CSMD3: variants seen among roughly 807,000 people sequenced by gnomAD.
CSMD3 encodes the protein CUB and Sushi multiple domains 3.
In CSMD3, 177 loss-of-function variants were observed where a neutral mutation model predicts 435.2. The ratio of observed to expected loss-of-function variants is 0.41; its 90% CI spans 0.36 to 0.46. The LOEUF (loss-of-function observed/expected upper bound fraction) is 0.46, where lower values mean the gene tolerates loss of function less well. Among genes scored for constraint, CSMD3 ranks in the 20% least tolerant of loss-of-function variants. CSMD3 has a pLI of 0.34. For synonymous variants in CSMD3, 1,656 were observed against 1,520.5 expected (o/e 1.09, Z -2.07); for missense variants, 4,265 against 4,504.6 (o/e 0.95, Z 1.52).
intron 22 of CSMD3, among the ~76,000 whole-genome samples, chr8:112,620,533 C>T (rs562948521): frequency 1.1e-4 from 16 of 152,188 alleles, no homozygotes; most frequent in Non-Finnish European, 2.1e-4. Flanking sequence ...ATTCTCAAAG[C>T]GATTTTCTGA....
intron 66 of CSMD3, among the ~76,000 whole-genome samples, chr8:112,240,509 G>A (rs897184323): frequency 1.3e-5 from 2 of 152,058 alleles, no homozygotes; most frequent in African/African-American, 4.8e-5. Flanking sequence ...AGAGCTTGGT[G>A]GTCCCTCCAC....
chr8:113,197,259 A>G (rs376265023), intron 3 of CSMD3, among the ~76,000 whole-genome samples: 12 of 151,202 alleles, frequency 7.9e-5, no homozygotes, highest in African/African-American at 2.7e-4. Context: ...TTCATGTACA[A>G]AATTATTGAA....
At chr8:113,242,386 G>A (rs1588350416) in intron 3 of CSMD3, among the ~76,000 whole-genome samples, 1 of 151,990 alleles carries the variant, frequency 6.6e-6, no homozygotes, top group Non-Finnish European at 1.5e-5. Flanking sequence ...AACCTAATAG[G>A]TCAATTCTGG....
At chr8:112,494,056 A>C (rs780360828) in intron 30 of CSMD3, among the ~76,000 whole-genome samples, 33 of 152,118 alleles carry the variant, frequency 2.2e-4, no homozygotes, top group Admixed American at 1.3e-4. Flanking sequence ...ATAATTAACT[A>C]TACCAGTAAG....
intron 32 of CSMD3, among the ~76,000 whole-genome samples, chr8:112,447,239 C>A (rs1412821174): frequency 6.6e-6 from 1 of 151,466 alleles, no homozygotes; most frequent in Non-Finnish European, 1.5e-5. Context: ...TTTCTGAAGT[C>A]TTATATTTTT....
intron 10 of CSMD3, among the ~76,000 whole-genome samples, chr8:112,897,629 G>C (rs1391648717): frequency 1.3e-5 from 2 of 150,384 alleles, no homozygotes; most frequent in African/African-American, 4.9e-5. Context: ...TTTAGGAAAA[G>C]TGGTATTTCT....
chr8:112,714,940 T>C (rs1471408037), intron 13 of CSMD3, among the ~76,000 whole-genome samples: 2 of 152,232 alleles, frequency 1.3e-5, no homozygotes, highest in Admixed American at 6.5e-5. Context: ...TAGATGGAAA[T>C]TTATAACACT....
Position 112,517,288 on chromosome 8 carries a change from CTG to C in CSMD3, c.4565-65_4565-64del, listed in dbSNP as rs1823775877. The C allele has an allele frequency of 5.0e-6, 6 of 1,198,632 alleles. 1 individual carries two copies. In the South Asian group the frequency reaches 6.5e-5, roughly 13 times the overall value. 74.2% of individuals were successfully genotyped at this position (1,198,632 alleles called of 1,614,324 possible). A position where few individuals can be genotyped will look rare whatever the true frequency, so the allele number is the denominator to read the frequency against. ...CTACCAAAATCAATTTCATATATCC[CTG>C]TGTTTTAGAAAATTAATTTTTAAAA... On this transcript the variant is annotated intron_variant, in intron 27 of 70. Transcript: ENST00000297405.
At chr8:113,063,042 A>T (rs1346503812) in intron 5 of CSMD3, among the ~76,000 whole-genome samples, 1 of 151,602 alleles carries the variant, frequency 6.6e-6, no homozygotes, top group East Asian at 1.9e-4. Flanking sequence ...GACTGTTTAC[A>T]TACACATTTT....
Position 113,359,861 on chromosome 8 carries a change from T to C in CSMD3, c.179-45068A>G, listed in dbSNP as rs114983537. Among the ~76,000 whole-genome samples the C allele has an allele frequency of 7.3e-3, 1,110 of 152,260 alleles. 15 individuals carry two copies. Among genetic ancestry groups the C allele is most frequent in the African/African-American group, 0.025 (1,034 of 41,560 alleles). On this transcript the variant is annotated intron_variant, in intron 1 of 70. Coordinates refer to ENST00000297405, the MANE Select transcript of CSMD3 (RefSeq NM_198123.2). ...GTGGGATACAACCTACTTATAAATATAGAAAGTATTCAGACTTAAAATTTT... is the reference window on the plus strand; with the variant it reads ...GTGGGATACAACCTACTTATAAATACAGAAAGTATTCAGACTTAAAATTTT...
intron 13 of CSMD3, among the ~76,000 whole-genome samples, chr8:112,722,046 C>T (rs189375725): frequency 3.3e-5 from 5 of 150,922 alleles, no homozygotes; most frequent in Admixed American, 2.6e-4. Context: ...TTTTTTAAGC[C>T]CATTATATGA....
intron 32 of CSMD3, 36 bp downstream of exon 32, chr8:112,472,555 G>A (rs751650798): frequency 9.2e-7 from 1 of 1,083,828 alleles, no homozygotes; most frequent in Non-Finnish European, 1.4e-6. Flanking sequence ...AGCATGTCTG[G>A]ATGAAATACT....
At chr8:112,502,618 C>A (rs556207063) in intron 30 of CSMD3, among the ~76,000 whole-genome samples, 2 of 152,244 alleles carry the variant, frequency 1.3e-5, no homozygotes, top group Admixed American at 6.5e-5. Context: ...AAGAGACTAA[C>A]CCCTGTTCCT....
At chr8:112,411,373 G>A (rs1335338100) in intron 32 of CSMD3, among the ~76,000 whole-genome samples, 2 of 151,782 alleles carry the variant, frequency 1.3e-5, no homozygotes, top group African/African-American at 2.4e-5. Flanking sequence ...AGCTAGGAGT[G>A]GGGGAGTACA....
At chr8:112,994,639 C>T (rs1271644341) in intron 6 of CSMD3, among the ~76,000 whole-genome samples, 1 of 151,304 alleles carries the variant, frequency 6.6e-6, no homozygotes, top group Admixed American at 6.6e-5. Context: ...ATTGAGATTC[C>T]AAGGGCTACA....
chr8:113,385,891 A>T (rs2094437173), intron 1 of CSMD3, among the ~76,000 whole-genome samples: 2 of 152,200 alleles, frequency 1.3e-5, no homozygotes, highest in East Asian at 1.9e-4. Flanking sequence ...ATTCAATTGA[A>T]CATTTTCCTC....
chr8:112,949,373 T>A (rs2130805647), intron 8 of CSMD3, among the ~76,000 whole-genome samples: 1 of 152,190 alleles, frequency 6.6e-6, no homozygotes, highest in South Asian at 2.1e-4. Context: ...TTTTTCTTAT[T>A]CTCTAACTTG....
intron 10 of CSMD3, among the ~76,000 whole-genome samples, chr8:112,893,818 TGTACAA>T (rs1250239237): frequency 1.5e-4 from 23 of 151,622 alleles, no homozygotes; most frequent in African/African-American, 4.3e-4. Flanking sequence ...TCCTGTGTAC[TGTACAA>T]GTACAAGTAC....
chr8:112,935,735 T>G (rs2083262025), intron 9 of CSMD3, among the ~76,000 whole-genome samples: 1 of 152,050 alleles, frequency 6.6e-6, no homozygotes, highest in Non-Finnish European at 1.5e-5. Context: ...TGGGGATTTT[T>G]TTTAAGTATC....
Sources: gnomAD v4.1 joint callset for allele counts (sites outside exome capture counted in the v4.1 genomes callset) on GRCh38, gnomAD v4.1.1 for gene constraint, MANE v1.5 for transcripts, NCBI Gene and HGNC (gene_info 2026-07-23, HGNC 2026-07-21) for gene names.